The following UBE3D variants were observed in gnomAD, a reference collection of about 807,000 sequenced individuals.
UBE3D encodes E3 ubiquitin-protein ligase E3D.
UBE3D carries 48 observed loss-of-function variants against 49.6 expected under a neutral mutation model. The ratio of observed to expected loss-of-function variants is 0.97; its 90% CI spans 0.77 to 1.23. The LOEUF is 1.23. Among genes scored for constraint, UBE3D ranks in the 50% most tolerant of loss-of-function variants. The pLI, the probability that UBE3D is intolerant of heterozygous loss-of-function variation, is 0.00. For missense variants in UBE3D, 452 were observed against 468.4 expected (o/e 0.96, Z 0.32); for synonymous variants, 189 against 174.2 (o/e 1.08, Z -0.67).
intron 3 of UBE3D, 123 bp downstream of exon 3, chr6:83,054,025 T>G: frequency 1.3e-6 from 1 of 762,696 alleles, no homozygotes; most frequent in South Asian, 1.7e-5. Flanking sequence ...CAAAGTGACA[T>G]TAAGCTGGCT....
At chr6:82,938,659 T>G (rs2127752730) in intron 9 of UBE3D, 1 of 152,342 alleles carries the variant, frequency 6.6e-6, no homozygotes, top group East Asian at 1.9e-4. Flanking sequence ...ATAATTAAAA[T>G]TCTTTCATTT....
At chr6:83,051,619 C>T (rs1046885247) in intron 3 of UBE3D, among the ~76,000 whole-genome samples, 1 of 152,130 alleles carries the variant, frequency 6.6e-6, no homozygotes, top group African/African-American at 2.4e-5. Flanking sequence ...CAACCAACGC[C>T]TAAAATAGAT....
intron 8 of UBE3D, among the ~76,000 whole-genome samples, chr6:83,016,676 CATATATAA>C (rs557111126): frequency 6.6e-6 from 1 of 150,808 alleles, no homozygotes; most frequent in Non-Finnish European, 1.5e-5. Flanking sequence ...TATAAATCTT[CATATATAA>C]ATATATAAAT....
chr6:82,972,224 C>A (rs548465428), intron 8 of UBE3D, among the ~76,000 whole-genome samples: 48 of 152,326 alleles, frequency 3.2e-4, no homozygotes, highest in Non-Finnish European at 1.8e-4. Context: ...TCCTCAGATG[C>A]CCTTCCTTTG....
chr6:82,989,849 A>C (rs961353552), intron 8 of UBE3D, among the ~76,000 whole-genome samples: 5 of 152,330 alleles, frequency 3.3e-5, no homozygotes, highest in African/African-American at 9.6e-5. Flanking sequence ...CTCATTTTCC[A>C]GGCCTCACTG....
At chr6:82,950,737 T>C (rs1178304838) in intron 9 of UBE3D, among the ~76,000 whole-genome samples, 1 of 152,122 alleles carries the variant, frequency 6.6e-6, no homozygotes, top group Non-Finnish European at 1.5e-5. Flanking sequence ...ATAAAGAAAA[T>C]GTGGCACATA....
chr6:83,041,591 T>C (rs1383229621), intron 4 of UBE3D, among the ~76,000 whole-genome samples: 3 of 152,296 alleles, frequency 2.0e-5, no homozygotes, highest in Non-Finnish European at 4.4e-5. Context: ...AAAGAGCAGA[T>C]GAAGCATACT....
chr6:82,943,623 G>A (rs1294976616), intron 9 of UBE3D, among the ~76,000 whole-genome samples: 2 of 152,066 alleles, frequency 1.3e-5, no homozygotes, highest in Non-Finnish European at 2.9e-5. Flanking sequence ...ATGACAGAGC[G>A]AGACCCTGTC....
chr6:83,032,793 T>G (rs954526357), intron 5 of UBE3D, among the ~76,000 whole-genome samples: 9 of 152,264 alleles, frequency 5.9e-5, no homozygotes, highest in African/African-American at 2.2e-4. Context: ...GTTCTTGTGA[T>G]AGTGAATAAC....
chr6:82,993,864 GA>G (rs1175776362), intron 8 of UBE3D, among the ~76,000 whole-genome samples: 1 of 152,290 alleles, frequency 6.6e-6, no homozygotes, highest in African/African-American at 2.4e-5. Flanking sequence ...GGGTTCTCAT[GA>G]AAAAGAGTTC....
chr6:82,933,976 G>A (rs1554186778), intron 9 of UBE3D, among the ~76,000 whole-genome samples: 1 of 152,122 alleles, frequency 6.6e-6, no homozygotes, highest in South Asian at 2.1e-4. Context: ...ATATGGTCTG[G>A]CTCTGTGTCT....
intron 9 of UBE3D, among the ~76,000 whole-genome samples, chr6:82,918,340 A>C (rs951728419): frequency 6.6e-6 from 1 of 152,046 alleles, no homozygotes; most frequent in African/African-American, 2.4e-5. Flanking sequence ...TCTCATTGTC[A>C]TATGAACCCT....
intron 9 of UBE3D, among the ~76,000 whole-genome samples, chr6:82,939,528 C>G (rs956319865): frequency 1.3e-5 from 2 of 152,154 alleles, no homozygotes; most frequent in Non-Finnish European, 2.9e-5. Context: ...TTTTACTGTA[C>G]CTTTTCTATG....
intron 8 of UBE3D, among the ~76,000 whole-genome samples, chr6:82,974,488 C>T (rs1169883678): frequency 6.6e-6 from 1 of 152,158 alleles, no homozygotes; most frequent in African/African-American, 2.4e-5. Context: ...ATACCTAACA[C>T]AATGTAAATG....
At chr6:83,029,567 G>C (rs1292156395) in intron 5 of UBE3D, among the ~76,000 whole-genome samples, 1 of 152,126 alleles carries the variant, frequency 6.6e-6, no homozygotes, top group Non-Finnish European at 1.5e-5. Context: ...TTGAATATCT[G>C]TGCTTACTAA....
chr6:82,949,502 GA>G (rs565793711), intron 9 of UBE3D, among the ~76,000 whole-genome samples: 77 of 148,308 alleles, frequency 5.2e-4, no homozygotes, highest in African/African-American at 1.5e-3. Context: ...TTCAGAAATA[GA>G]AAAAAAAAAT....
rs80039407 is a variant in UBE3D, at chr6:82,908,942, T to A, written c.1150-15900A>T. Among the ~76,000 whole-genome samples, 202 of 152,270 alleles carry A rather than the reference T, an allele frequency of 1.3e-3. 4 individuals are homozygous for A. The East Asian group carries it at 0.036, about 27-fold the overall frequency. On this transcript the variant is annotated intron_variant, in intron 9 of 9. Transcript: ENST00000369747. ...AGGCTGCAGGTGAGTCAGTCCAGGTTTCCCAGGAAGCCTCAGCATTTCACT... is the reference window on the plus strand; with the variant it reads ...AGGCTGCAGGTGAGTCAGTCCAGGTATCCCAGGAAGCCTCAGCATTTCACT...
chr6:82,918,287 C>A (rs865907234), intron 9 of UBE3D, among the ~76,000 whole-genome samples: 1,743 of 136,894 alleles, frequency 0.013, 18 homozygotes, highest in Non-Finnish European at 0.021. Context: ...ACAACAACAA[C>A]AACAAAAAAA....
At chr6:82,940,099 C>T (rs1255725504) in intron 9 of UBE3D, among the ~76,000 whole-genome samples, 1 of 152,138 alleles carries the variant, frequency 6.6e-6, no homozygotes, top group Non-Finnish European at 1.5e-5. Flanking sequence ...GTGGCAGCAA[C>T]GTGGATCTGA....
Sources: allele counts gnomAD v4.1 joint callset (sites outside exome capture counted in the v4.1 genomes callset), GRCh38; gene constraint gnomAD v4.1.1; transcripts MANE v1.5; gene names NCBI Gene and HGNC (gene_info 2026-07-23, HGNC 2026-07-21).